Variants in AP3B1 observed in about 807,000 individuals in gnomAD.
The protein encoded by AP3B1 is AP-3 complex subunit beta-1.
AP3B1 carries 61 observed loss-of-function variants against 132.5 expected under a neutral mutation model. The ratio of observed to expected loss-of-function variants is 0.46; its 90% CI spans 0.37 to 0.57. AP3B1 has a LOEUF of 0.57. Among genes scored for constraint, AP3B1 ranks in the 20% least tolerant of loss-of-function variants. AP3B1 has a pLI of 0.00. For synonymous variants in AP3B1, 388 were observed against 438.3 expected (o/e 0.89, Z 1.43); for missense variants, 1,120 against 1,289.4 (o/e 0.87, Z 2.01).
intron 15 of AP3B1, among the ~76,000 whole-genome samples, chr5:78,138,093 T>C (rs1400121356): frequency 6.6e-6 from 1 of 152,212 alleles, no homozygotes; most frequent in Admixed American, 6.5e-5. Context: ...AACAATTATT[T>C]TAGTCTGTCT....
intron 3 of AP3B1, among the ~76,000 whole-genome samples, chr5:78,239,963 A>G (rs1010230583): frequency 3.9e-5 from 6 of 152,164 alleles, no homozygotes; most frequent in African/African-American, 1.4e-4. Context: ...CACGCAAAAT[A>G]GAAAAAACTT....
intron 24 of AP3B1, among the ~76,000 whole-genome samples, chr5:78,028,409 A>G (rs1035060033): frequency 6.6e-6 from 1 of 151,764 alleles, no homozygotes; most frequent in African/African-American, 2.4e-5. Context: ...GGTTGCAGTG[A>G]GCTGAGAGCG....
chr5:78,045,206 C>A (rs1245416942), intron 22 of AP3B1, among the ~76,000 whole-genome samples: 1 of 151,924 alleles, frequency 6.6e-6, no homozygotes, highest in Non-Finnish European at 1.5e-5. Flanking sequence ...CATGGTGAAA[C>A]CCCATCTCTA....
intron 17 of AP3B1, among the ~76,000 whole-genome samples, chr5:78,123,078 G>C (rs1428915057): frequency 3.9e-5 from 6 of 152,156 alleles, no homozygotes; most frequent in South Asian, 2.1e-4. Flanking sequence ...ACAAACCTGA[G>C]AAAAACAAGC....
intron 14 of AP3B1, among the ~76,000 whole-genome samples, chr5:78,142,485 C>T (rs973894269): frequency 6.6e-6 from 1 of 152,080 alleles, no homozygotes; most frequent in East Asian, 1.9e-4. Flanking sequence ...TTCTCAAAGT[C>T]CTAATATTTT....
intron 24 of AP3B1, among the ~76,000 whole-genome samples, chr5:78,026,797 CA>C (rs1269489527): frequency 6.6e-6 from 1 of 152,186 alleles, no homozygotes; most frequent in African/African-American, 2.4e-5. Flanking sequence ...CAATACCAGA[CA>C]CAAAAGTTAT....
At chr5:78,107,818 T>A (rs1393058058) in intron 20 of AP3B1, among the ~76,000 whole-genome samples, 1 of 152,182 alleles carries the variant, frequency 6.6e-6, no homozygotes, top group Non-Finnish European at 1.5e-5. Flanking sequence ...AAAATTTAGG[T>A]TACTTTTAGC....
intron 1 of AP3B1, among the ~76,000 whole-genome samples, chr5:78,274,368 A>G (rs1188821688): frequency 6.6e-6 from 1 of 151,478 alleles, no homozygotes; most frequent in Non-Finnish European, 1.5e-5. Flanking sequence ...AAAAGAATGG[A>G]AAAAATAGAA....
intron 2 of AP3B1, among the ~76,000 whole-genome samples, chr5:78,252,067 C>T (rs1290320478): frequency 1.3e-5 from 2 of 152,164 alleles, no homozygotes; most frequent in Non-Finnish European, 2.9e-5. Flanking sequence ...AGACGACATT[C>T]CTAGACACAC....
chr5:78,200,831 T>C lies in AP3B1; in HGVS notation c.786+15224A>G, dbSNP rs1178459482. Among the ~76,000 whole-genome samples the C allele has an allele frequency of 4.6e-5, 7 of 152,248 alleles. No individual in the cohort carries two copies. The East Asian group carries it at 1.2e-3, about 25-fold the overall frequency. On this transcript the variant is annotated intron_variant, in intron 7 of 26. Transcript: ENST00000255194. ...ATATGTCACTGTAAGGTTTACAGCTTGGTTGTTATGGGCCAAACTGTGCCC... is the reference window on the plus strand; with the variant it reads ...ATATGTCACTGTAAGGTTTACAGCTCGGTTGTTATGGGCCAAACTGTGCCC...
chr5:78,219,013 C>T (rs550083123), intron 6 of AP3B1, among the ~76,000 whole-genome samples: 68 of 152,120 alleles, frequency 4.5e-4, no homozygotes, highest in Admixed American at 7.9e-4. Flanking sequence ...TTGCACATAA[C>T]GGTGGGGCTT....
chr5:78,159,390 T>C lies in AP3B1; in HGVS notation c.1364-3023A>G, dbSNP rs188526803. On this transcript the variant is annotated intron_variant, in intron 13 of 26. Transcript: ENST00000255194. ...TTAAAACAATGCAAATTTATCATTGTACAGTTCTAAAGTCAGAAGTCTAAC... is the reference window on the plus strand; with the variant it reads ...TTAAAACAATGCAAATTTATCATTGCACAGTTCTAAAGTCAGAAGTCTAAC... 2.9e-3 allele frequency among the ~76,000 whole-genome samples: 440 copies of C among 152,322 alleles called. 4 individuals are homozygous for C. The highest frequency in any genetic ancestry group is 3.4e-3 in the Middle Eastern group (1 of 294).
intron 24 of AP3B1, among the ~76,000 whole-genome samples, chr5:78,027,704 A>G (rs1268578570): frequency 6.6e-6 from 1 of 152,170 alleles, no homozygotes; most frequent in African/African-American, 2.4e-5. Flanking sequence ...ATTTAATTAT[A>G]TCTTCCTTTA....
intron 7 of AP3B1, among the ~76,000 whole-genome samples, chr5:78,183,541 T>TA (rs887634981): frequency 2.6e-5 from 4 of 152,072 alleles, no homozygotes; most frequent in East Asian, 1.9e-4. Flanking sequence ...AACATCCTGG[T>TA]AAAAAATACA....
intron 1 of AP3B1, among the ~76,000 whole-genome samples, chr5:78,291,432 A>AC (rs1749520416): frequency 6.6e-6 from 1 of 151,402 alleles, no homozygotes; most frequent in Non-Finnish European, 1.5e-5. Flanking sequence ...AAAAAAAAAA[A>AC]AAAAAAACAG....
At position 78,194,839 on chromosome 5, in the gene AP3B1, TTCCAATGGAAAACTATTAAATGAAA is replaced by T. The variant is rs572652231; in HGVS notation, c.787-13202_787-13178del. Among the ~76,000 whole-genome samples the T allele has an allele frequency of 4.6e-5, 7 of 152,292 alleles. No homozygotes were observed. The East Asian group carries it at 1.3e-3, about 29-fold the overall frequency. ...AAATCCAGACAGAAGTAAAGATGCT[TTCCAATGGAAAACTATTAAATGAAA>T]ATGACTCAAAAAGGAGTCCTCAAAA... On this transcript the variant is annotated intron_variant, in intron 7 of 26. Coordinates refer to ENST00000255194, the MANE Select transcript of AP3B1 (RefSeq NM_003664.5).
chr5:78,202,250 T>C (rs1056925303), intron 7 of AP3B1, among the ~76,000 whole-genome samples: 2 of 152,166 alleles, frequency 1.3e-5, no homozygotes, highest in African/African-American at 4.8e-5. Context: ...ACCTTTTTCT[T>C]TTGTAAATTG....
rs541150457 is a variant in AP3B1 at position 78,089,498 on chromosome 5, A to G, written c.2472T>C (p.Phe824=). ...GTGCAACTGGAGTGGATACTGGGTT[A>G]ACTGTAAGAAAAGGCCCAAATTAGT... ...KDVSLLDLDD[F]NPVSTPVALP... Residue 824 remains phenylalanine, a splice_region_variant and synonymous_variant, in exon 22 of 27, where the codon TTT becomes TTC. Coordinates refer to ENST00000255194, the MANE Select transcript of AP3B1 (RefSeq NM_003664.5). 5.0e-6 allele frequency: 8 copies of G among 1,603,746 alleles called. No homozygotes were observed. The South Asian group carries it at 8.8e-5, about 18-fold the overall frequency.
intron 21 of AP3B1, among the ~76,000 whole-genome samples, chr5:78,092,830 G>A (rs1750586786): frequency 6.6e-6 from 1 of 151,868 alleles, no homozygotes; most frequent in Non-Finnish European, 1.5e-5. Context: ...CTATCTTTTT[G>A]TAGAGACAGG....
Sources: gnomAD v4.1 joint callset for allele counts (sites outside exome capture counted in the v4.1 genomes callset) on GRCh38, gnomAD v4.1.1 for gene constraint, MANE v1.5 for transcripts, NCBI Gene and HGNC (gene_info 2026-07-23, HGNC 2026-07-21) for gene names.